The following LRRC7 variants were observed in gnomAD, a reference collection of about 807,000 sequenced individuals.
LRRC7 encodes leucine-rich repeat-containing protein 7.
A neutral mutation model predicts 175.7 loss-of-function variants in LRRC7; 23 were observed. That is an observed-to-expected ratio of 0.13 (90% CI 0.09 to 0.19). LRRC7 has a LOEUF of 0.19. Among genes scored for constraint, LRRC7 ranks in the 10% least tolerant of loss-of-function variants. LRRC7 has a pLI of 1.00. For missense variants in LRRC7, 1,354 were observed against 1,904.7 expected, an observed-to-expected ratio of 0.71 and a Z score of 5.38; for synonymous variants, 685 against 680.9, an observed-to-expected ratio of 1.01 and a Z score of -0.09.
intron 4 of LRRC7, among the ~76,000 whole-genome samples, chr1:69,822,659 C>T (rs2101220559): frequency 6.6e-6 from 1 of 152,242 alleles, no homozygotes; most frequent in African/African-American, 2.4e-5. Flanking sequence ...TTTTACTTTC[C>T]CCTGTGGGGA....
At chr1:69,682,357 G>A (rs1331747132) in intron 2 of LRRC7, among the ~76,000 whole-genome samples, 2 of 152,098 alleles carry the variant, frequency 1.3e-5, no homozygotes, top group Non-Finnish European at 2.9e-5. Context: ...TTATATCCAA[G>A]GAGAGGGGAT....
chr1:69,998,172 A>G (rs895817755), intron 11 of LRRC7, among the ~76,000 whole-genome samples: 3 of 152,208 alleles, frequency 2.0e-5, no homozygotes, highest in African/African-American at 7.2e-5. Flanking sequence ...AAAACTGCAC[A>G]TATTTAAAGT....
intron 7 of LRRC7, among the ~76,000 whole-genome samples, chr1:69,852,610 T>G (rs990145266): frequency 6.6e-6 from 1 of 152,208 alleles, no homozygotes; most frequent in African/African-American, 2.4e-5. Flanking sequence ...CTTTTGCTTT[T>G]TTAAAAATGT....
intron 1 of LRRC7, among the ~76,000 whole-genome samples, chr1:69,615,936 C>T (rs1405631608): frequency 6.6e-6 from 1 of 151,980 alleles, no homozygotes; most frequent in African/African-American, 2.4e-5. Context: ...AATTTTTGCT[C>T]CTTCGGGGCT....
At chr1:69,935,691 G>A (rs1336118877) in intron 8 of LRRC7, among the ~76,000 whole-genome samples, 2 of 152,022 alleles carry the variant, frequency 1.3e-5, no homozygotes, top group Non-Finnish European at 2.9e-5. Context: ...GTTGATTTAT[G>A]GAGATCTTTG....
chr1:69,683,747 T>G (rs1660784020), intron 2 of LRRC7, among the ~76,000 whole-genome samples: 1 of 151,876 alleles, frequency 6.6e-6, no homozygotes, highest in South Asian at 2.1e-4. Context: ...AAAAACTTTT[T>G]TAGAGAAAAG....
intron 4 of LRRC7, among the ~76,000 whole-genome samples, chr1:69,810,329 T>C (rs961750199): frequency 4.6e-5 from 7 of 152,282 alleles, no homozygotes; most frequent in Non-Finnish European, 8.8e-5. Flanking sequence ...ATCAATATCA[T>C]GAAAATGACC....
At chr1:69,732,445 C>T (rs1408564479) in intron 2 of LRRC7, among the ~76,000 whole-genome samples, 2 of 151,948 alleles carry the variant, frequency 1.3e-5, no homozygotes, top group African/African-American at 2.4e-5. Flanking sequence ...TAAAAAAGTC[C>T]CTGAAAACTT....
chr1:69,824,509 C>T (rs74736683), intron 4 of LRRC7, among the ~76,000 whole-genome samples: 2,455 of 151,996 alleles, frequency 0.016, 61 homozygotes, highest in African/African-American at 0.055. Flanking sequence ...ATTTTAGGAC[C>T]GCATGATTTC....
At chr1:70,003,571 A>G (rs1009226454) in intron 11 of LRRC7, among the ~76,000 whole-genome samples, 1 of 152,218 alleles carries the variant, frequency 6.6e-6, no homozygotes, top group African/African-American at 2.4e-5. Flanking sequence ...GTTATTGAGA[A>G]AAGTACAAAG....
At chr1:69,667,702 C>T (rs972562785) in intron 1 of LRRC7, among the ~76,000 whole-genome samples, 4 of 152,092 alleles carry the variant, frequency 2.6e-5, no homozygotes, top group Non-Finnish European at 4.4e-5. Flanking sequence ...CCTTTATAGG[C>T]AAAGTGTGTT....
intron 8 of LRRC7, among the ~76,000 whole-genome samples, chr1:69,947,889 TA>T (rs935859021): frequency 3.9e-4 from 59 of 152,052 alleles, no homozygotes; most frequent in African/African-American, 1.3e-3. Context: ...CAATATACTG[TA>T]AAAAAAAGTT....
intron 23 of LRRC7, among the ~76,000 whole-genome samples, chr1:70,072,652 G>A (rs889425755): frequency 1.3e-5 from 2 of 151,920 alleles, no homozygotes; most frequent in African/African-American, 4.8e-5. Context: ...TTCTTTTCAT[G>A]CCCATTGTTT....
rs186134476 is a variant in LRRC7 at position 70,000,448 on chromosome 1, A to G, written c.1004+5815A>G. On this transcript the variant is annotated intron_variant, in intron 11 of 26. Coordinates refer to ENST00000651989, the MANE Select transcript of LRRC7 (RefSeq NM_001370785.2). Reference sequence around the variant, plus strand: ...ACACCATCTAGGTTTGTGTACATACATCTGTAATGGTCACACGGTGATGAA... The same window carrying G: ...ACACCATCTAGGTTTGTGTACATACGTCTGTAATGGTCACACGGTGATGAA... 9.2e-5 allele frequency among the ~76,000 whole-genome samples: 14 copies of G among 152,304 alleles called. No homozygotes were observed. The East Asian group carries it at 2.5e-3, about 27-fold the overall frequency.
At chr1:69,815,906 A>G (rs1332016872) in intron 4 of LRRC7, among the ~76,000 whole-genome samples, 3 of 151,952 alleles carry the variant, frequency 2.0e-5, no homozygotes, top group Admixed American at 6.6e-5. Flanking sequence ...CCTTCTCACT[A>G]TGTCTTCAGC....
intron 2 of LRRC7, among the ~76,000 whole-genome samples, chr1:69,712,939 CTGT>C (rs1160629993): frequency 1.3e-5 from 2 of 152,100 alleles, no homozygotes; most frequent in East Asian, 1.9e-4. Flanking sequence ...ACACAAAGAT[CTGT>C]TGTTCTAAAT....
chr1:69,919,529 C>T (rs1421783881), intron 7 of LRRC7: 3 of 807,774 alleles, frequency 3.7e-6, no homozygotes, highest in African/African-American at 1.7e-5. Flanking sequence ...GTCCGCCGCT[C>T]GCACCTGCTA....
chr1:69,903,079 T>C (rs1646184828), intron 7 of LRRC7, among the ~76,000 whole-genome samples: 1 of 152,222 alleles, frequency 6.6e-6, no homozygotes, highest in Non-Finnish European at 1.5e-5. Context: ...ATAATCTTTA[T>C]GACAAATGAT....
At chr1:69,583,647 A>T (rs1236274352) in intron 1 of LRRC7, among the ~76,000 whole-genome samples, 1 of 152,148 alleles carries the variant, frequency 6.6e-6, no homozygotes, top group Admixed American at 6.6e-5. Context: ...TCCTCTTTTA[A>T]CAGAAAAACA....
Sources: allele counts gnomAD v4.1 joint callset (sites outside exome capture counted in the v4.1 genomes callset), GRCh38; gene constraint gnomAD v4.1.1; transcripts MANE v1.5; gene names NCBI Gene and HGNC (gene_info 2026-07-23, HGNC 2026-07-21).